Variants in KAZN observed in about 807,000 individuals in gnomAD.
The protein encoded by KAZN is kazrin, periplakin interacting protein.
KAZN carries 40 observed loss-of-function variants against 87.4 expected under a neutral mutation model. The ratio of observed to expected loss-of-function variants is 0.46; its 90% CI spans 0.36 to 0.60. The LOEUF (loss-of-function observed/expected upper bound fraction) is 0.60. Among genes scored for constraint, KAZN ranks in the 20% least tolerant of loss-of-function variants. The pLI is 0.00. For synonymous variants in KAZN, 466 were observed against 458.3 expected (o/e 1.02, Z -0.22); for missense variants, 898 against 1,073.9 (o/e 0.84, Z 2.29).
intron 1 of KAZN, among the ~76,000 whole-genome samples, chr1:14,749,650 T>C (rs1644357965): frequency 6.6e-6 from 1 of 152,200 alleles, no homozygotes; most frequent in South Asian, 2.1e-4. Flanking sequence ...TTGGTTTTTC[T>C]GCACAGGGGC....
chr1:14,269,345 C>T (rs570834215), intron 2 of KAZN, among the ~76,000 whole-genome samples: 73 of 152,212 alleles, frequency 4.8e-4, no homozygotes, highest in African/African-American at 1.7e-3. Context: ...TTGAGAAACT[C>T]TCCTAATAGG....
intron 2 of KAZN, among the ~76,000 whole-genome samples, chr1:14,473,152 T>C (rs991451152): frequency 1.3e-5 from 2 of 152,192 alleles, no homozygotes; most frequent in African/African-American, 4.8e-5. Flanking sequence ...AGGTTTGAGA[T>C]GTTATCTTTA....
At chr1:14,897,935 G>A (rs1015391708) in intron 1 of KAZN, among the ~76,000 whole-genome samples, 2 of 152,212 alleles carry the variant, frequency 1.3e-5, no homozygotes, top group Admixed American at 6.5e-5. Flanking sequence ...CTCCATGGCA[G>A]CTACAGTTCA....
intron 1 of KAZN, among the ~76,000 whole-genome samples, chr1:14,684,665 G>A (rs765598670): frequency 6.6e-6 from 1 of 152,078 alleles, no homozygotes; most frequent in Non-Finnish European, 1.5e-5. Context: ...TTGGCTTGTG[G>A]CCCCTTCCTA....
intron 2 of KAZN, among the ~76,000 whole-genome samples, chr1:14,546,911 G>A (rs1673182566): frequency 6.6e-6 from 1 of 152,058 alleles, no homozygotes; most frequent in African/African-American, 2.4e-5. Flanking sequence ...CCTGGATCTG[G>A]AGTTCACCTT....
At chr1:14,134,996 C>CGT (rs1645075892) in intron 1 of KAZN, among the ~76,000 whole-genome samples, 1 of 60,308 alleles carries the variant, frequency 1.7e-5, no homozygotes, top group Non-Finnish European at 2.9e-5. Flanking sequence ...CACACACACA[C>CGT]ACACACATGT....
chr1:14,309,635 ACTGTGGCCTCCAC>A (rs1655154055), intron 2 of KAZN, among the ~76,000 whole-genome samples: 1 of 152,134 alleles, frequency 6.6e-6, no homozygotes, highest in Non-Finnish European at 1.5e-5. Flanking sequence ...ATCACAGCTC[ACTGTGGCCTCCAC>A]CTCCCAGGCT....
chr1:14,840,786 C>T (rs1647871819), intron 1 of KAZN, among the ~76,000 whole-genome samples: 1 of 152,194 alleles, frequency 6.6e-6, no homozygotes, highest in South Asian at 2.1e-4. Flanking sequence ...AGTGTTCATA[C>T]TGTAAACAGA....
In KAZN at chr1:14,588,226, T is replaced by C. The variant is rs1008139031; in HGVS notation, c.250-10757T>C. ...CATAGCACCCCTTCCCACAGCACTT[T>C]CAAGCAAATCTGGATTTTGAATCTA... On this transcript the variant is annotated intron_variant, in intron 2 of 16. Coordinates refer to the KAZN transcript ENST00000636203. Among the ~76,000 whole-genome samples the C allele has an allele frequency of 4.2e-4, 64 of 152,182 alleles. 1 individual carries two copies. The highest frequency in any genetic ancestry group is 1.5e-3 in the African/African-American group (64 of 41,458).
At chr1:14,744,606 T>C (rs775321588) in intron 1 of KAZN, among the ~76,000 whole-genome samples, 7 of 151,988 alleles carry the variant, frequency 4.6e-5, no homozygotes, top group Admixed American at 6.6e-5. Flanking sequence ...TATGGTGGCA[T>C]GTGCCTGTAG....
At chr1:14,675,138 G>T (rs969287279) in intron 1 of KAZN, among the ~76,000 whole-genome samples, 4 of 152,212 alleles carry the variant, frequency 2.6e-5, no homozygotes, top group Admixed American at 6.5e-5. Flanking sequence ...GGGGCAGCTG[G>T]TTTATTCCTC....
intron 1 of KAZN, among the ~76,000 whole-genome samples, chr1:14,912,768 A>T (rs944059392): frequency 6.6e-6 from 1 of 152,194 alleles, no homozygotes; most frequent in Non-Finnish European, 1.5e-5. Flanking sequence ...CATCCGGTTT[A>T]AAAAAATTTT....
At chr1:14,704,357 G>T (rs2148810940) in intron 1 of KAZN, among the ~76,000 whole-genome samples, 1 of 152,324 alleles carries the variant, frequency 6.6e-6, no homozygotes, top group Non-Finnish European at 1.5e-5. Flanking sequence ...AACATCTCTG[G>T]AAGGGACAAA....
chr1:14,486,027 C>T (rs1291296309), intron 2 of KAZN, among the ~76,000 whole-genome samples: 1 of 152,180 alleles, frequency 6.6e-6, no homozygotes, highest in Non-Finnish European at 1.5e-5. Context: ...ATAGCACTGC[C>T]TGTTCAGTAA....
rs186968216 is a variant in KAZN, at chr1:15,107,421, C to T, written c.2048+3232C>T. Among the ~76,000 whole-genome samples, 327 of 152,300 alleles carry T rather than the reference C, an allele frequency of 2.1e-3. 2 individuals carry two copies. The highest frequency in any genetic ancestry group is 1.5e-3 in the Non-Finnish European group (104 of 68,022). ...GGTTTCATAGACAACTAGGTGAAGACATAAACCCATCCAGAATGCCTTGTG... is the reference window on the plus strand; with the variant it reads ...GGTTTCATAGACAACTAGGTGAAGATATAAACCCATCCAGAATGCCTTGTG... On this transcript the variant is annotated intron_variant, in intron 13 of 14. Coordinates refer to ENST00000376030, the MANE Select transcript of KAZN (RefSeq NM_201628.3).
Position 15,116,116 on chromosome 1 carries a change from G to A in KAZN, c.*1481G>A, listed in dbSNP as rs1250481906. ...TGACAGCCACGTGATGATTAGGGAAGGACGGATGCATTGCGATTCTGCTTA... is the reference window on the plus strand; with the variant it reads ...TGACAGCCACGTGATGATTAGGGAAAGACGGATGCATTGCGATTCTGCTTA... On this transcript the variant is annotated 3_prime_UTR_variant, in exon 15 of 15. Transcript: ENST00000376030. 6.6e-6 allele frequency: 1 copy of A among 152,202 alleles called. No individual in the cohort carries two copies. The highest frequency in any genetic ancestry group is 1.5e-5 in the Non-Finnish European group (1 of 68,044). 9.4% of individuals were successfully genotyped at this position (152,202 alleles called of 1,614,324 possible).
At chr1:14,267,131 A>G (rs1651544506) in intron 2 of KAZN, among the ~76,000 whole-genome samples, 1 of 151,206 alleles carries the variant, frequency 6.6e-6, no homozygotes, top group African/African-American at 2.4e-5. Context: ...GAATGAAACA[A>G]CATTGAGGAT....
intron 2 of KAZN, among the ~76,000 whole-genome samples, chr1:14,467,909 T>A (rs187250651): frequency 6.6e-6 from 1 of 152,180 alleles, no homozygotes; most frequent in Non-Finnish European, 1.5e-5. Flanking sequence ...TTGAGTTTCA[T>A]TGGCCTGCTT....
intron 2 of KAZN, among the ~76,000 whole-genome samples, chr1:14,563,346 C>T (rs1261253575): frequency 6.6e-6 from 1 of 152,210 alleles, no homozygotes; most frequent in African/African-American, 2.4e-5. Context: ...GACTCTGATT[C>T]AGTGGCTCCA....
Sources: allele counts gnomAD v4.1 joint callset (sites outside exome capture counted in the v4.1 genomes callset), GRCh38; gene constraint gnomAD v4.1.1; transcripts MANE v1.5; gene names NCBI Gene and HGNC (gene_info 2026-07-23, HGNC 2026-07-21).